SH3RF3: variants seen among roughly 807,000 people sequenced by gnomAD.
SH3RF3 encodes the protein SH3 domain containing ring finger 3.
SH3RF3 carries 29 observed loss-of-function variants against 66.3 expected under a neutral mutation model. That is an observed-to-expected ratio of 0.44 (90% CI 0.33 to 0.60). The LOEUF is 0.60. Among genes scored for constraint, SH3RF3 ranks in the 20% least tolerant of loss-of-function variants. SH3RF3 has a pLI of 0.04. For missense variants in SH3RF3, 1,194 were observed against 1,190.9 expected, an observed-to-expected ratio of 1.00 and a Z score of -0.04; for synonymous variants, 583 against 532.0, an observed-to-expected ratio of 1.10 and a Z score of -1.32.
chr2:109,162,927 C>CTGA (rs770352252), intron 1 of SH3RF3, among the ~76,000 whole-genome samples: 4 of 152,172 alleles, frequency 2.6e-5, no homozygotes, highest in Admixed American at 6.5e-5. Context: ...AGCCTCTTGG[C>CTGA]TGATGCCTTT....
intron 1 of SH3RF3, among the ~76,000 whole-genome samples, chr2:109,152,751 CG>C (rs878905857): frequency 6.6e-6 from 1 of 151,618 alleles, no homozygotes; most frequent in Non-Finnish European, 1.5e-5. Context: ...GGCAGAGGGG[CG>C]GGGGGGACCC....
intron 8 of SH3RF3, among the ~76,000 whole-genome samples, chr2:109,456,044 T>G (rs1257738565): frequency 6.6e-6 from 1 of 152,200 alleles, no homozygotes; most frequent in African/African-American, 2.4e-5. Flanking sequence ...TGCTCTGTCA[T>G]CAGGTGCAGC....
In SH3RF3 at chr2:109,352,599, C is replaced by G. The variant is rs567606560; in HGVS notation, c.849+4650C>G. ...TCATGAGATAAGCTTGTGCGGAGCT[C>G]CACGTCGTTCTCTCCCTTCCTGGGC... On this transcript the variant is annotated intron_variant, in intron 2 of 9. Coordinates refer to ENST00000309415, the MANE Select transcript of SH3RF3 (RefSeq NM_001099289.3). Among the ~76,000 whole-genome samples, 5 of 152,360 alleles carry G rather than the reference C, an allele frequency of 3.3e-5. No homozygotes were observed. In the South Asian group the frequency reaches 1.0e-3, roughly 32 times the overall value.
intron 1 of SH3RF3, among the ~76,000 whole-genome samples, chr2:109,292,143 G>A (rs980139530): frequency 9.2e-5 from 14 of 152,208 alleles, no homozygotes; most frequent in African/African-American, 3.4e-4. Context: ...GATTACAGGC[G>A]TGAGCTACCG....
intron 1 of SH3RF3, among the ~76,000 whole-genome samples, chr2:109,193,357 T>G (rs1678416103): frequency 6.6e-6 from 1 of 152,222 alleles, no homozygotes; most frequent in African/African-American, 2.4e-5. Flanking sequence ...TTTTAGTATA[T>G]TCAACATATA....
At chr2:109,205,831 T>C (rs1678796912) in intron 1 of SH3RF3, among the ~76,000 whole-genome samples, 1 of 152,188 alleles carries the variant, frequency 6.6e-6, no homozygotes, top group Non-Finnish European at 1.5e-5. Context: ...GTGTGTAAAA[T>C]ACTCTTGAGC....
chr2:109,436,775 G>C, intron 6 of SH3RF3, 118 bp from the exon 7 acceptor site: 2 of 1,438,906 alleles, frequency 1.4e-6, no homozygotes. Flanking sequence ...CTCGTCCCCA[G>C]ATCAGTTGGC....
At chr2:109,333,484 G>A (rs1682334267) in intron 1 of SH3RF3, among the ~76,000 whole-genome samples, 1 of 152,212 alleles carries the variant, frequency 6.6e-6, no homozygotes, top group Non-Finnish European at 1.5e-5. Flanking sequence ...AGTCTACAAA[G>A]TGAGGTTTCA....
chr2:109,327,936 A>G (rs1322088264), intron 1 of SH3RF3, among the ~76,000 whole-genome samples: 2 of 152,194 alleles, frequency 1.3e-5, no homozygotes, highest in Admixed American at 6.5e-5. Flanking sequence ...ACAATCATGG[A>G]GGGTCTAGGA....
chr2:109,297,597 C>T (rs186952987), intron 1 of SH3RF3, among the ~76,000 whole-genome samples: 4 of 148,510 alleles, frequency 2.7e-5, no homozygotes, highest in East Asian at 2.1e-4. Flanking sequence ...CCAGTCAGTG[C>T]CCCCAACCTG....
chr2:109,425,904 C>CT (rs1437596915), intron 5 of SH3RF3, among the ~76,000 whole-genome samples: 5 of 151,780 alleles, frequency 3.3e-5, no homozygotes, highest in South Asian at 4.2e-4. Flanking sequence ...TTCTTTCTTT[C>CT]TTTTTTTTCT....
intron 1 of SH3RF3, among the ~76,000 whole-genome samples, chr2:109,200,989 ACAAAGGGGCAGCAGCAGCAG>A (rs1678658069): frequency 6.6e-6 from 1 of 151,950 alleles, no homozygotes; most frequent in Non-Finnish European, 1.5e-5. Flanking sequence ...GCTGCTGGGG[ACAAAGGGGCAGCAGCAGCAG>A]CTAAGTGGCT....
intron 1 of SH3RF3, among the ~76,000 whole-genome samples, chr2:109,199,607 T>TCAACCCGAGTGCAGG (rs1558953948): frequency 3.6e-3 from 1 of 276 alleles, no homozygotes; most frequent in Non-Finnish European, 6.9e-3. Flanking sequence ...TGGAATGGAA[T>TCAACCCGAGTGCAGG]GGAATGGAAT....
At chr2:109,357,923 C>T (rs1214339161) in intron 2 of SH3RF3, among the ~76,000 whole-genome samples, 3 of 152,152 alleles carry the variant, frequency 2.0e-5, no homozygotes, top group Admixed American at 6.5e-5. Flanking sequence ...ATTGACAAAT[C>T]GTTATTACTC....
At chr2:109,434,614 G>T (rs1021620582) in intron 6 of SH3RF3, among the ~76,000 whole-genome samples, 12 of 152,170 alleles carry the variant, frequency 7.9e-5, no homozygotes, top group African/African-American at 2.9e-4. Context: ...CAAGAGCTGG[G>T]TCCTAAGTCC....
chr2:109,427,373 G>C (rs1319013481), intron 5 of SH3RF3, among the ~76,000 whole-genome samples: 1 of 152,082 alleles, frequency 6.6e-6, no homozygotes, highest in African/African-American at 2.4e-5. Context: ...TACATATATT[G>C]GTAAACCAAA....
At chr2:109,192,086 G>A (rs908516173) in intron 1 of SH3RF3, among the ~76,000 whole-genome samples, 4 of 152,104 alleles carry the variant, frequency 2.6e-5, no homozygotes, top group African/African-American at 7.2e-5. Flanking sequence ...CAAACCGAGC[G>A]ACAGAAGTCA....
chr2:109,388,216 A>G (rs1175889876), intron 3 of SH3RF3, among the ~76,000 whole-genome samples: 1 of 152,226 alleles, frequency 6.6e-6, no homozygotes, highest in Admixed American at 6.5e-5. Flanking sequence ...GTCTGTAACC[A>G]TAGTAACTGA....
chr2:109,222,700 C>T (rs1039481538), intron 1 of SH3RF3, among the ~76,000 whole-genome samples: 2 of 152,260 alleles, frequency 1.3e-5, no homozygotes, highest in African/African-American at 4.8e-5. Flanking sequence ...CTCCCTAAAA[C>T]CCTGGGATGG....
Sources: gnomAD v4.1 joint callset for allele counts (sites outside exome capture counted in the v4.1 genomes callset) on GRCh38, gnomAD v4.1.1 for gene constraint, MANE v1.5 for transcripts, NCBI Gene and HGNC (gene_info 2026-07-23, HGNC 2026-07-21) for gene names.